COL1A2: variants seen among roughly 807,000 people sequenced by gnomAD.
COL1A2 encodes the protein collagen type I alpha 2 chain, also known as collagen alpha-2(I) chain.
In COL1A2, 49 loss-of-function variants were observed where a neutral mutation model predicts 174.3. The observed-to-expected ratio is 0.28, with a 90% CI of 0.22 to 0.36. The LOEUF (loss-of-function observed/expected upper bound fraction) is 0.36. Among genes scored for constraint, COL1A2 ranks in the 10% least tolerant of loss-of-function variants. The pLI, the probability that COL1A2 is intolerant of heterozygous loss-of-function variation, is 1.00. For missense variants in COL1A2, 1,438 were observed against 1,822.7 expected (o/e 0.79, Z 3.84); for synonymous variants, 655 against 606.6 (o/e 1.08, Z -1.17).
chr7:94,401,849 T>A (rs1307412844), intron 6 of COL1A2, among the ~76,000 whole-genome samples: 1 of 152,166 alleles, frequency 6.6e-6, no homozygotes, highest in Non-Finnish European at 1.5e-5. Context: ...ATCTTTTTGA[T>A]TATATGATCC....
intron 2 of COL1A2, 53 bp downstream of exon 2, chr7:94,397,811 C>T: frequency 9.7e-7 from 1 of 1,033,122 alleles, no homozygotes; most frequent in South Asian, 1.4e-5. Flanking sequence ...CCCTTGGCTA[C>T]AGTGATGTCT....
In COL1A2 at chr7:94,423,070, C is replaced by T; in HGVS notation, c.2517C>T (p.Pro839=). 1 of 1,614,106 alleles carries T rather than the reference C, an allele frequency of 6.2e-7. No individual in the cohort carries two copies. Among genetic ancestry groups the T allele is most frequent in the Non-Finnish European group, 8.5e-7 (1 of 1,180,018 alleles). ...GRTGEVGAVG[P]PGFAGEKGPS... ...CTGGAGAAGTAGGTGCAGTTGGTCC[C>T]CCTGGCTTCGCTGGTGAGAAGGGTC... is the stretch of plus-strand genomic sequence containing the variant. The change falls in exon 40 of 52, where the codon CCC becomes CCT. Residue 839 remains proline, a synonymous_variant. Coordinates refer to ENST00000297268, the MANE Select transcript of COL1A2 (RefSeq NM_000089.4).
At chr7:94,409,955 T>TTA (rs765454558) in intron 19 of COL1A2, 134 bp downstream of exon 19, 36 of 909,312 alleles carry the variant, frequency 4.0e-5, no homozygotes, top group Admixed American at 6.0e-5. Context: ...TTTATATTTC[T>TTA]TATATATATA....
chr7:94,421,484 T>C (rs1477866135), intron 38 of COL1A2: 1 of 361,122 alleles, frequency 2.8e-6, no homozygotes, highest in African/African-American at 2.1e-5. Context: ...AGGTCATTTG[T>C]TATTCTTTTG....
chr7:94,425,939 G>A, intron 44 of COL1A2, 59 bp from the exon 45 acceptor site: 1 of 1,601,432 alleles, frequency 6.2e-7, no homozygotes. Flanking sequence ...GGATGGTGGA[G>A]GAGTGGGGAG....
intron 39 of COL1A2, 183 bp downstream of exon 39, chr7:94,422,135 C>G (rs902856551): frequency 3.8e-6 from 2 of 532,372 alleles, no homozygotes; most frequent in Admixed American, 6.3e-5. Context: ...TTTATAATAT[C>G]AGTTTAAGAG....
At chr7:94,420,760 G>A (rs1792142982) in intron 37 of COL1A2, 112 bp downstream of exon 37, 1 of 1,015,170 alleles carries the variant, frequency 9.9e-7, no homozygotes, top group Non-Finnish European at 1.5e-6. Flanking sequence ...GATAGAAGAT[G>A]GAAAATAACG....
chr7:94,400,094 A>G, intron 4 of COL1A2, 102 bp from the exon 5 acceptor site: 1 of 1,015,216 alleles, frequency 9.9e-7, no homozygotes, highest in Non-Finnish European at 1.6e-6. Flanking sequence ...TTTCCACCCT[A>G]CTTGCACATA....
rs1791860806 is a variant in COL1A2, at chr7:94,408,948, C to T, written c.792+125C>T. On this transcript the variant is annotated intron_variant, in intron 16 of 51. Transcript: ENST00000297268. The stretch of plus-strand genomic sequence containing the variant: ...AGTTACCTTAATTATTCCTTCCCTT[C>T]AAAATGGACATAGAATGACCAGTTT... 5 of 923,042 alleles carry T rather than the reference C, an allele frequency of 5.4e-6. No homozygotes were observed. The South Asian group carries it at 5.6e-5, about 10-fold the overall frequency. The allele number at this position is 923,042 out of a possible 1,614,324, so 57.2% of individuals were successfully genotyped here.
chr7:94,410,862 C>G lies in COL1A2; in HGVS notation c.1198-27C>G, dbSNP rs1429865230. 8 of 1,607,834 alleles carry G rather than the reference C, an allele frequency of 5.0e-6. No homozygotes were observed. The South Asian group carries it at 7.7e-5, about 15-fold the overall frequency. On this transcript the variant is annotated intron_variant, in intron 21 of 51. Transcript: ENST00000297268. ...TCAAAGCCAAGAGATTTCTTTAATT[C>G]TCTCTATTTCATGTACTTTCTTGCA... is the stretch of plus-strand genomic sequence containing the variant.
In COL1A2 at chr7:94,412,093, T is replaced by C. The variant is rs2115902728; in HGVS notation, c.1376T>C (p.Ile459Thr). Residue 459 changes from isoleucine to threonine, a missense_variant, in exon 24 of 52, where the codon ATC becomes ACC. Ile to Thr is a moderately conservative substitution (Grantham distance 89). Coordinates refer to ENST00000297268, the MANE Select transcript of COL1A2 (RefSeq NM_000089.4). ...PRGLPGSPGN[I>T]GPAGKEGPVG... ...GGTCTTCCTGGTTCCCCTGGAAATA[T>C]CGGCCCCGCTGGAAAAGAAGGTCCT... 2 of 1,613,010 alleles carry C rather than the reference T, an allele frequency of 1.2e-6. No individual in the cohort carries two copies. The highest frequency in any genetic ancestry group is 1.7e-6 in the Non-Finnish European group (2 of 1,179,338).
At chr7:94,430,088 C>T in intron 51 of COL1A2, 159 bp from the exon 52 acceptor site, 1 of 751,652 alleles carries the variant, frequency 1.3e-6, no homozygotes, top group Non-Finnish European at 2.2e-6. Context: ...CTAAAGACAC[C>T]CTTGATACTG....
intron 29 of COL1A2, among the ~76,000 whole-genome samples, 162 bp from the exon 30 acceptor site, chr7:94,415,064 C>G (rs1014918062): frequency 1.3e-5 from 2 of 152,146 alleles, no homozygotes; most frequent in African/African-American, 4.8e-5. Context: ...CTTTCTGTAT[C>G]TTTCCATACT....
In COL1A2 at chr7:94,409,623, G is replaced by A. The variant is rs768370375; in HGVS notation, c.936+15G>A. 72 of 1,613,980 alleles carry A rather than the reference G, an allele frequency of 4.5e-5. No individual in the cohort carries two copies. Among genetic ancestry groups the A allele is most frequent in the Non-Finnish European group, 5.7e-5 (67 of 1,179,984 alleles). On this transcript the variant is annotated intron_variant, in intron 18 of 51. Coordinates refer to ENST00000297268, the MANE Select transcript of COL1A2 (RefSeq NM_000089.4). ...AGGGTGCTGCTGTGAGTATACCTGC[G>A]TAGCTAAAATGTGCTGCTATGATTT...
chr7:94,400,112 C>G, intron 4 of COL1A2, 84 bp from the exon 5 acceptor site: 1 of 1,282,090 alleles, frequency 7.8e-7, no homozygotes, highest in Non-Finnish European at 1.1e-6. Flanking sequence ...ATAGAAAGGT[C>G]TGAACAACTG....
At position 94,408,351 on chromosome 7, in the gene COL1A2, G is replaced by C; in HGVS notation, c.709G>C (p.Asp237His). 6.2e-7 allele frequency: 1 copy of C among 1,614,154 alleles called. No homozygotes were observed. Among genetic ancestry groups the C allele is most frequent in the Non-Finnish European group, 8.5e-7 (1 of 1,180,026 alleles). Residue 237 changes from aspartate to histidine, a missense_variant, in exon 15 of 52, where the codon GAT becomes CAT. Transcript: ENST00000297268. Reference sequence around the variant, plus strand: ...TTCTTCTTAGGGTGCCCGTGGCAGTGATGGAAGTGTGGGTCCCGTGGGTCC... The same window carrying C: ...TTCTTCTTAGGGTGCCCGTGGCAGTCATGGAAGTGTGGGTCCCGTGGGTCC... Reference protein sequence around the residue: ...APGPAGARGSDGSVGPVGPAG... With the variant: ...APGPAGARGSHGSVGPVGPAG...
At chr7:94,413,771 T>C (rs1197914680) in intron 27 of COL1A2, 28 bp downstream of exon 27, 3 of 1,612,088 alleles carry the variant, frequency 1.9e-6, no homozygotes, top group South Asian at 2.2e-5. Flanking sequence ...TCTTGTGCTC[T>C]TCTGCACTAG....
intron 17 of COL1A2, 49 bp from the exon 18 acceptor site, chr7:94,409,515 C>T (rs1208594464): frequency 9.3e-6 from 15 of 1,612,824 alleles, no homozygotes; most frequent in East Asian, 4.5e-5. Flanking sequence ...AAAGAAGAAC[C>T]GAAATATTCC....
chr7:94,413,791 A>C (rs1314597859), intron 27 of COL1A2, 48 bp downstream of exon 27: 1 of 1,610,974 alleles, frequency 6.2e-7, no homozygotes, highest in Non-Finnish European at 8.5e-7. Flanking sequence ...GAATGTATAT[A>C]GTCCTCAAAC....
Sources: gnomAD v4.1 joint callset for allele counts (sites outside exome capture counted in the v4.1 genomes callset) on GRCh38, gnomAD v4.1.1 for gene constraint, MANE v1.5 for transcripts, NCBI Gene and HGNC (gene_info 2026-07-23, HGNC 2026-07-21) for gene names.